Variants in LDB2 observed in about 807,000 individuals in gnomAD.
The protein encoded by LDB2 is LIM domain binding 2, also known as LIM domain-binding protein 2.
Under a neutral mutation model 44.3 loss-of-function variants are expected in LDB2, and 12 were observed. That is an observed-to-expected ratio of 0.27 (90% confidence interval 0.17 to 0.44). The LOEUF is 0.44. Ranked by LOEUF, LDB2 falls within the 20% of genes least tolerant of loss-of-function variation. The pLI is 1.00. For missense variants in LDB2, 344 were observed against 473.5 expected (o/e 0.73, Z 2.54); for synonymous variants, 164 against 174.8 (o/e 0.94, Z 0.49).
intron 5 of LDB2, among the ~76,000 whole-genome samples, chr4:16,579,827 G>C (rs1026124773): frequency 2.6e-5 from 4 of 152,170 alleles, no homozygotes; most frequent in Non-Finnish European, 1.5e-5. Context: ...ATACACTCAA[G>C]AGATATCTAC....
At position 16,827,785 on chromosome 4, in the gene LDB2, G is replaced by C. The variant is rs113041046; in HGVS notation, c.133-68525C>G. On this transcript the variant is annotated intron_variant, in intron 1 of 7. Transcript: ENST00000304523. ...CAACTGGAGGGTTGAAAAGAAACAA[G>C]GAGGATCACAAAGATTCACGGAAAA... Among the ~76,000 whole-genome samples the C allele has an allele frequency of 2.7e-4, 41 of 152,264 alleles. 1 individual carries two copies. The highest frequency in any genetic ancestry group is 9.1e-4 in the African/African-American group (38 of 41,550).
chr4:16,640,735 T>G, intron 2 of LDB2, among the ~76,000 whole-genome samples: 1 of 152,204 alleles, frequency 6.6e-6, no homozygotes, highest in Non-Finnish European at 1.5e-5. Flanking sequence ...AGCTGGTAAT[T>G]GACAGATACA....
chr4:16,869,725 A>C (rs1212797917), intron 1 of LDB2, among the ~76,000 whole-genome samples: 2 of 152,224 alleles, frequency 1.3e-5, no homozygotes, highest in African/African-American at 4.8e-5. Context: ...ACGTCACAAA[A>C]GTACAGTTCA....
intron 1 of LDB2, among the ~76,000 whole-genome samples, chr4:16,850,569 C>G (rs897800565): frequency 1.3e-5 from 2 of 152,092 alleles, no homozygotes; most frequent in African/African-American, 4.8e-5. Context: ...TTTGAACAGT[C>G]TAAGAATTAA....
intron 2 of LDB2, among the ~76,000 whole-genome samples, chr4:16,702,337 A>G (rs927798459): frequency 2.6e-5 from 4 of 152,188 alleles, no homozygotes; most frequent in African/African-American, 9.6e-5. Flanking sequence ...TTTCCTAAGA[A>G]GGACCCATGA....
rs150077524 is a variant in LDB2, at chr4:16,584,846, C to G, written c.615+1076G>C. On this transcript the variant is annotated intron_variant, in intron 5 of 7. Coordinates refer to ENST00000304523, the MANE Select transcript of LDB2 (RefSeq NM_001290.5). The stretch of plus-strand genomic sequence containing the variant: ...GGAAGGAAATTTGATGTTTATTAAT[C>G]TGTGTTAAATGCAGCTAAAAGATGT... Among the ~76,000 whole-genome samples the G allele has an allele frequency of 3.2e-3, 484 of 152,230 alleles. 2 individuals are homozygous for G. Among genetic ancestry groups the G allele is most frequent in the African/African-American group, 0.011 (471 of 41,538 alleles).
At chr4:16,848,103 C>T (rs1418637746) in intron 1 of LDB2, among the ~76,000 whole-genome samples, 5 of 152,066 alleles carry the variant, frequency 3.3e-5, no homozygotes, top group Non-Finnish European at 7.4e-5. Flanking sequence ...TTTTGAAATC[C>T]AGCTACTTGT....
intron 5 of LDB2, among the ~76,000 whole-genome samples, chr4:16,559,296 C>T (rs566719481): frequency 6.6e-6 from 1 of 152,168 alleles, no homozygotes; most frequent in Admixed American, 6.5e-5. Flanking sequence ...CAAGATCCAT[C>T]AGTGTGCTGT....
intron 2 of LDB2, among the ~76,000 whole-genome samples, chr4:16,625,080 C>T (rs1047171506): frequency 6.6e-6 from 1 of 152,072 alleles, no homozygotes; most frequent in Non-Finnish European, 1.5e-5. Context: ...ACCTGATCCC[C>T]GCTTACCTCT....
chr4:16,543,493 T>A (rs1734630272), intron 5 of LDB2, among the ~76,000 whole-genome samples: 1 of 152,262 alleles, frequency 6.6e-6, no homozygotes, highest in South Asian at 2.1e-4. Context: ...TATCTCATTG[T>A]GGTTTTGATT....
intron 2 of LDB2, among the ~76,000 whole-genome samples, chr4:16,627,828 G>A (rs1189202453): frequency 6.6e-6 from 1 of 152,220 alleles, no homozygotes; most frequent in East Asian, 1.9e-4. Context: ...AAAGACTGTG[G>A]CTTCCATCAT....
chr4:16,754,694 G>C (rs988493082), intron 2 of LDB2, among the ~76,000 whole-genome samples: 1 of 151,988 alleles, frequency 6.6e-6, no homozygotes, highest in Non-Finnish European at 1.5e-5. Flanking sequence ...ACCACGCCCA[G>C]CCAATTTTTG....
chr4:16,878,116 G>A (rs1718969481), intron 1 of LDB2, among the ~76,000 whole-genome samples: 1 of 152,226 alleles, frequency 6.6e-6, no homozygotes. Flanking sequence ...AAAGCAGGTA[G>A]GGGAAGGGGC....
At chr4:16,804,129 T>C (rs1778347995) in intron 1 of LDB2, among the ~76,000 whole-genome samples, 1 of 152,166 alleles carries the variant, frequency 6.6e-6, no homozygotes. Flanking sequence ...AGATACTTTT[T>C]TTCTTTAAGA....
intron 2 of LDB2, among the ~76,000 whole-genome samples, chr4:16,641,987 T>G (rs948325757): frequency 6.6e-6 from 1 of 151,862 alleles, no homozygotes; most frequent in African/African-American, 2.4e-5. Flanking sequence ...ATAAAGAAAA[T>G]TAAGTATCCA....
At chr4:16,669,482 T>G (rs2152554072) in intron 2 of LDB2, among the ~76,000 whole-genome samples, 1 of 152,354 alleles carries the variant, frequency 6.6e-6, no homozygotes, top group South Asian at 2.1e-4. Context: ...CCCTTGTTGA[T>G]TATTTTCTAA....
At chr4:16,706,382 A>G (rs904352220) in intron 2 of LDB2, among the ~76,000 whole-genome samples, 7 of 152,194 alleles carry the variant, frequency 4.6e-5, no homozygotes, top group Admixed American at 2.6e-4. Context: ...ACCTAAGGAC[A>G]CATCAAGAAA....
chr4:16,857,224 C>G (rs571788660), intron 1 of LDB2, among the ~76,000 whole-genome samples: 12 of 152,284 alleles, frequency 7.9e-5, no homozygotes, highest in African/African-American at 2.9e-4. Flanking sequence ...TGTCTCTGTC[C>G]CTTGGTAGAC....
At chr4:16,817,302 G>C (rs370978765) in intron 1 of LDB2, among the ~76,000 whole-genome samples, 5 of 152,078 alleles carry the variant, frequency 3.3e-5, no homozygotes, top group Non-Finnish European at 7.4e-5. Flanking sequence ...CCAGTCTTCC[G>C]CATGATTTGA....
Sources: gnomAD v4.1 joint callset for allele counts (sites outside exome capture counted in the v4.1 genomes callset) on GRCh38, gnomAD v4.1.1 for gene constraint, MANE v1.5 for transcripts, NCBI Gene and HGNC (gene_info 2026-07-23, HGNC 2026-07-21) for gene names.